CCDC85C: variants seen among roughly 807,000 people sequenced by gnomAD.
CCDC85C encodes the protein coiled-coil domain containing 85C, also known as coiled-coil domain-containing protein 85C.
CCDC85C carries 18 observed loss-of-function variants against 38.3 expected under a neutral mutation model. The ratio of observed to expected loss-of-function variants is 0.47; its 90% CI spans 0.33 to 0.70. The LOEUF is 0.70. Among genes scored for constraint, CCDC85C ranks in the 30% least tolerant of loss-of-function variants. The pLI, the probability that CCDC85C is intolerant of heterozygous loss-of-function variation, is 0.03. For missense variants in CCDC85C, 566 were observed against 621.2 expected, an observed-to-expected ratio of 0.91 and a Z score of 0.94; for synonymous variants, 264 against 293.8, an observed-to-expected ratio of 0.90 and a Z score of 1.04.
chr14:99,507,187 C>T lies in CCDC85C; in HGVS notation c.*8059G>A, dbSNP rs1896997073. 3 of 1,226,876 alleles carry T rather than the reference C, an allele frequency of 2.4e-6. No homozygotes were observed. Among genetic ancestry groups the T allele is most frequent in the South Asian group, 1.2e-5 (1 of 83,430 alleles). The allele number at this position is 1,226,876 out of a possible 1,614,324, so 76.0% of individuals were successfully genotyped here. A position where few individuals can be genotyped will look rare whatever the true frequency, so the allele number is the denominator to read the frequency against. ...AAGCAGCTTGGCCAGCTGTGCACATCGCCTCTGAATGTTGGACGCAGCAGG... is the reference window on the plus strand; with the variant it reads ...AAGCAGCTTGGCCAGCTGTGCACATTGCCTCTGAATGTTGGACGCAGCAGG... On this transcript the variant is annotated 3_prime_UTR_variant, in exon 6 of 6. Transcript: ENST00000380243.
intron 2 of CCDC85C, among the ~76,000 whole-genome samples, chr14:99,525,480 G>C (rs1897366769): frequency 6.6e-6 from 1 of 152,238 alleles, no homozygotes; most frequent in African/African-American, 2.4e-5. Flanking sequence ...GTGGCTGCAG[G>C]CAGGAAGCGC....
intron 1 of CCDC85C, among the ~76,000 whole-genome samples, chr14:99,600,423 T>C (rs1022445205): frequency 1.3e-5 from 2 of 152,184 alleles, no homozygotes; most frequent in Non-Finnish European, 2.9e-5. Context: ...ATCTGCTCAA[T>C]GGTCACTGAT....
At chr14:99,589,828 A>T (rs12897461) in intron 1 of CCDC85C, among the ~76,000 whole-genome samples, 3 of 151,942 alleles carry the variant, frequency 2.0e-5, no homozygotes, top group African/African-American at 7.3e-5. Context: ...CAGCCAGGAG[A>T]ATCCCGCCAC....
chr14:99,602,465 T>C (rs2055209670), intron 1 of CCDC85C, among the ~76,000 whole-genome samples: 1 of 152,220 alleles, frequency 6.6e-6, no homozygotes, highest in Non-Finnish European at 1.5e-5. Flanking sequence ...GCAGAGGTCA[T>C]CATCTCCATT....
At position 99,572,570 on chromosome 14, in the gene CCDC85C, T is replaced by C. The variant is rs185178267; in HGVS notation, c.793+30597A>G. On this transcript the variant is annotated intron_variant, in intron 1 of 5. Coordinates refer to ENST00000380243, the MANE Select transcript of CCDC85C (RefSeq NM_001144995.2). This position sits in a 1 kb window ranked among gnomAD's most constrained non-coding sequence, Gnocchi z 4.4. Reference sequence around the variant, plus strand: ...GTCACCAGAGTCCAGCCACAGGGCCTGGTCAGCTCCGGGAAAGCTCTGACA... The same window carrying C: ...GTCACCAGAGTCCAGCCACAGGGCCCGGTCAGCTCCGGGAAAGCTCTGACA... 3.3e-3 allele frequency: 1,394 copies of C among 420,336 alleles called. 3 individuals carry two copies. The highest frequency in any genetic ancestry group is 5.4e-3 in the Non-Finnish European group (1,114 of 208,198). The allele number at this position is 420,336 out of a possible 1,614,324, so 26.0% of individuals were successfully genotyped here.
At chr14:99,536,180 G>T (rs1198519535) in intron 1 of CCDC85C, 92 bp from the exon 2 acceptor site, 1 of 925,134 alleles carries the variant, frequency 1.1e-6, no homozygotes, top group African/African-American at 1.6e-5. Flanking sequence ...CGGCATGGAA[G>T]GTTTGGGTCT....
intron 1 of CCDC85C, among the ~76,000 whole-genome samples, chr14:99,587,821 G>A (rs1449680048): frequency 2.6e-5 from 4 of 152,188 alleles, no homozygotes; most frequent in South Asian, 4.1e-4. Context: ...ATCCCCGGGC[G>A]CTGAGTAAGA....
chr14:99,507,307 T>C lies in CCDC85C; in HGVS notation c.*7939A>G. The C allele has an allele frequency of 1.5e-6, 1 of 653,314 alleles. No homozygotes were observed. The highest frequency in any genetic ancestry group is 2.8e-6 in the Non-Finnish European group (1 of 361,908). 40.5% of individuals were successfully genotyped at this position (653,314 alleles called of 1,614,324 possible). On this transcript the variant is annotated 3_prime_UTR_variant, in exon 6 of 6. Coordinates refer to ENST00000380243, the MANE Select transcript of CCDC85C (RefSeq NM_001144995.2). ...AAAATTGTTCTTGGGCTGGGCACAA[T>C]GGCTTGTGTTTTTGATCCCAGCACT...
chr14:99,591,437 G>A (rs192376265), intron 1 of CCDC85C, among the ~76,000 whole-genome samples: 7 of 152,284 alleles, frequency 4.6e-5, no homozygotes, highest in South Asian at 2.1e-4. Flanking sequence ...AGGCTGCCAC[G>A]GCTCCCACGG....
chr14:99,536,110 G>A (rs1291421138), intron 1 of CCDC85C, 22 bp from the exon 2 acceptor site: 36 of 1,505,544 alleles, frequency 2.4e-5, no homozygotes, highest in Non-Finnish European at 3.2e-5. Flanking sequence ...CAAGAGGAAG[G>A]GGGACATTAG....
Position 99,511,773 on chromosome 14 carries a change from T to G in CCDC85C, c.*3473A>C, listed in dbSNP as rs950443122. On this transcript the variant is annotated 3_prime_UTR_variant, in exon 6 of 6. Coordinates refer to ENST00000380243, the MANE Select transcript of CCDC85C (RefSeq NM_001144995.2). ...GACCTGGTTGAGTTCCAAACCAGTT[T>G]GAAACTTTGAAGCCTTGCTGCGTAG... 1 of 152,622 alleles carries G rather than the reference T, an allele frequency of 6.6e-6. No individual in the cohort carries two copies. The highest frequency in any genetic ancestry group is 6.5e-5 in the Admixed American group (1 of 15,286). 9.5% of individuals were successfully genotyped at this position (152,622 alleles called of 1,614,324 possible). A position where few individuals can be genotyped will look rare whatever the true frequency, so the allele number is the denominator to read the frequency against.
At position 99,503,079 on chromosome 14, in the gene CCDC85C, A is replaced by G. The variant is rs1231303601; in HGVS notation, c.*12167T>C. ...CCATTTCTAAGCGAGCACAGGGAAC[A>G]CCGGAAGCAGGGGGTGTTCGCCGAA... On this transcript the variant is annotated 3_prime_UTR_variant, in exon 6 of 6. Transcript: ENST00000380243. 3 of 1,397,632 alleles carry G rather than the reference A, an allele frequency of 2.1e-6. No homozygotes were observed. Among genetic ancestry groups the G allele is most frequent in the Non-Finnish European group, 3.0e-6 (3 of 985,454 alleles). 86.6% of individuals were successfully genotyped at this position (1,397,632 alleles called of 1,614,324 possible). A position where few individuals can be genotyped will look rare whatever the true frequency, so the allele number is the denominator to read the frequency against.
rs1194908550 is a variant in CCDC85C, at chr14:99,510,340, C to G, written c.*4906G>C. 1.3e-6 allele frequency: 2 copies of G among 1,571,140 alleles called. No individual in the cohort carries two copies. The highest frequency in any genetic ancestry group is 1.7e-6 in the Non-Finnish European group (2 of 1,151,302). On this transcript the variant is annotated 3_prime_UTR_variant, in exon 6 of 6. Transcript: ENST00000380243. ...TCCAGCTACATGACCGGGATGTCCACCACCAGCTCCTACATGTCTGGAGAG... is the reference window on the plus strand; with the variant it reads ...TCCAGCTACATGACCGGGATGTCCAGCACCAGCTCCTACATGTCTGGAGAG...
At position 99,503,712 on chromosome 14, in the gene CCDC85C, A is replaced by G. The variant is rs867029740; in HGVS notation, c.*11534T>C. ...ATGCAAAACTTTAAATTCTTAGCCA[A>G]CATTGTTTCTTTTCAGATCTAAATT... On this transcript the variant is annotated 3_prime_UTR_variant, in exon 6 of 6. Transcript: ENST00000380243. 5 of 1,358,650 alleles carry G rather than the reference A, an allele frequency of 3.7e-6. No individual in the cohort carries two copies. The highest frequency in any genetic ancestry group is 2.9e-5 in the African/African-American group (2 of 68,304). The allele number at this position is 1,358,650 out of a possible 1,614,324, so 84.2% of individuals were successfully genotyped here.
chr14:99,604,079 C>T lies in CCDC85C; in HGVS notation c.-120G>A. 1 of 951,550 alleles carries T rather than the reference C, an allele frequency of 1.1e-6. No individual in the cohort carries two copies. The highest frequency in any genetic ancestry group is 1.2e-6 in the Non-Finnish European group (1 of 802,686). 58.9% of individuals were successfully genotyped at this position (951,550 alleles called of 1,614,324 possible). A position where few individuals can be genotyped will look rare whatever the true frequency, so the allele number is the denominator to read the frequency against. ...GGCGGCCGGGGGCGCGTGCGGCCCG[C>T]CCCGCGCCGCCTGGCGCGTCCTCTC... On this transcript the variant is annotated 5_prime_UTR_variant, in exon 1 of 6. Coordinates refer to ENST00000380243, the MANE Select transcript of CCDC85C (RefSeq NM_001144995.2).
intron 1 of CCDC85C, among the ~76,000 whole-genome samples, chr14:99,571,301 G>A (rs533655190): frequency 3.3e-5 from 5 of 152,036 alleles, no homozygotes; most frequent in Admixed American, 2.0e-4. Flanking sequence ...CTGCCTGCCA[G>A]AGCTACTGGA....
chr14:99,501,178 A>T lies in CCDC85C; in HGVS notation c.*14068T>A, dbSNP rs533982302. On this transcript the variant is annotated 3_prime_UTR_variant, in exon 6 of 6. Transcript: ENST00000380243. ...CATACATGGTGGTTCAGCGTAGGTC[A>T]TGAGGAGGAAGAAGGGGTAGGATGT... 2.2e-4 allele frequency: 133 copies of T among 617,870 alleles called. 1 individual carries two copies. The highest frequency in any genetic ancestry group is 1.7e-3 in the South Asian group (84 of 50,214). The allele number at this position is 617,870 out of a possible 1,614,324, so 38.3% of individuals were successfully genotyped here.
At chr14:99,583,417 T>A (rs190468454) in intron 1 of CCDC85C, among the ~76,000 whole-genome samples, 1 of 148,384 alleles carries the variant, frequency 6.7e-6, no homozygotes, top group African/African-American at 2.5e-5. Flanking sequence ...GGCAGGAGAA[T>A]CACTTGAACG....
intron 5 of CCDC85C, among the ~76,000 whole-genome samples, chr14:99,515,951 G>A (rs960238206): frequency 2.0e-5 from 3 of 152,124 alleles, no homozygotes; most frequent in East Asian, 1.9e-4. Context: ...CGGCACTCCT[G>A]GGGAGGGCGG....
Sources: gnomAD v4.1 joint callset for allele counts (sites outside exome capture counted in the v4.1 genomes callset) on GRCh38, gnomAD v4.1.1 for gene constraint, Gnocchi (gnomAD v3.1) non-coding constraint, MANE v1.5 for transcripts, NCBI Gene and HGNC (gene_info 2026-07-23, HGNC 2026-07-21) for gene names.